Variants in NALCN observed in about 807,000 individuals in gnomAD.
The protein encoded by NALCN is sodium leak channel, non-selective.
A neutral mutation model predicts 225.3 loss-of-function variants in NALCN; 111 were observed. The ratio of observed to expected loss-of-function variants is 0.49; its 90% CI spans 0.42 to 0.58. The LOEUF (loss-of-function observed/expected upper bound fraction) is 0.58, where lower values mean the gene tolerates loss of function less well. NALCN is among the 20% of genes least tolerant of loss of function. NALCN has a pLI of 0.00. For synonymous variants in NALCN, 764 were observed against 769.0 expected (o/e 0.99, Z 0.11); for missense variants, 1,378 against 2,202.4 (o/e 0.63, Z 7.49).
chr13:101,364,829 A>G (rs2046337828), intron 6 of NALCN, among the ~76,000 whole-genome samples: 2 of 152,176 alleles, frequency 1.3e-5, no homozygotes, highest in Non-Finnish European at 2.9e-5. Flanking sequence ...ATGTATCGAA[A>G]TATCATATGT....
chr13:101,204,596 T>C (rs1334028731), intron 13 of NALCN, among the ~76,000 whole-genome samples: 1 of 151,948 alleles, frequency 6.6e-6, no homozygotes, highest in Non-Finnish European at 1.5e-5. Context: ...TTACTTTAAG[T>C]GGAGTCTACA....
intron 17 of NALCN, among the ~76,000 whole-genome samples, chr13:101,140,990 T>C (rs886478545): frequency 3.9e-5 from 6 of 152,148 alleles, no homozygotes; most frequent in Non-Finnish European, 8.8e-5. Flanking sequence ...CTAAGGGTAA[T>C]ATGCAAGCCT....
chr13:101,305,359 A>C (rs1422242591), intron 7 of NALCN, among the ~76,000 whole-genome samples: 1 of 152,234 alleles, frequency 6.6e-6, no homozygotes, highest in African/African-American at 2.4e-5. Context: ...CTTATAGTTG[A>C]ATAAATTTGC....
chr13:101,277,521 A>G (rs2138972134), intron 10 of NALCN, among the ~76,000 whole-genome samples: 1 of 152,320 alleles, frequency 6.6e-6, no homozygotes, highest in South Asian at 2.1e-4. Context: ...AGACCTAGCA[A>G]GTAACATAAT....
At chr13:101,174,664 GA>G (rs996585211) in intron 15 of NALCN, among the ~76,000 whole-genome samples, 4 of 152,082 alleles carry the variant, frequency 2.6e-5, no homozygotes, top group African/African-American at 9.7e-5. Context: ...TCACAATCCT[GA>G]AAAAATTGCT....
chr13:101,086,215 T>TC (rs1452665846), intron 30 of NALCN, among the ~76,000 whole-genome samples: 11 of 151,962 alleles, frequency 7.2e-5, no homozygotes, highest in African/African-American at 2.4e-4. Context: ...GTTACTTTCT[T>TC]CCCCCCTACT....
chr13:101,330,548 G>A (rs537615383), intron 7 of NALCN, among the ~76,000 whole-genome samples: 6 of 152,334 alleles, frequency 3.9e-5, no homozygotes, highest in Non-Finnish European at 7.3e-5. Context: ...CGGGGCAAAA[G>A]AGTCTCCTCA....
At chr13:101,274,953 GGTTCC>G (rs1028538466) in intron 10 of NALCN, among the ~76,000 whole-genome samples, 7 of 152,110 alleles carry the variant, frequency 4.6e-5, no homozygotes, top group Non-Finnish European at 1.0e-4. Context: ...GTTGAGTAGT[GGTTCC>G]AGCAGAGATG....
At chr13:101,090,143 TAC>T (rs1028511630) in intron 28 of NALCN, among the ~76,000 whole-genome samples, 177 bp from the exon 29 acceptor site, 70 of 152,276 alleles carry the variant, frequency 4.6e-4, no homozygotes, top group African/African-American at 1.5e-3. Flanking sequence ...TGTATATGTA[TAC>T]ACACACATTT....
chr13:101,397,099 T>TATATATATATAC (rs1242808432), intron 2 of NALCN, among the ~76,000 whole-genome samples: 4 of 65,314 alleles, frequency 6.1e-5, no homozygotes, highest in Admixed American at 3.4e-4. Flanking sequence ...TATATATATA[T>TATATATATATAC]ATATATATAT....
intron 11 of NALCN, among the ~76,000 whole-genome samples, chr13:101,256,999 G>A (rs1487446449): frequency 3.3e-5 from 5 of 151,968 alleles, no homozygotes; most frequent in African/African-American, 7.3e-5. Flanking sequence ...TCCTGACCTC[G>A]TGATCCACCC....
intron 22 of NALCN, among the ~76,000 whole-genome samples, chr13:101,105,520 T>C (rs942778670): frequency 1.3e-5 from 2 of 151,462 alleles, no homozygotes; most frequent in Non-Finnish European, 2.9e-5. Context: ...TCTTCATCAA[T>C]TGTATTCAAC....
Position 101,081,634 on chromosome 13 carries a change from T to A in NALCN, c.3778A>T (p.Ile1260Phe). 1.9e-6 allele frequency: 3 copies of A among 1,614,096 alleles called. No individual in the cohort carries two copies. The highest frequency in any genetic ancestry group is 2.5e-6 in the Non-Finnish European group (3 of 1,179,974). ...AAGCCAGCAGGCGACATTGCTATGA[T>A]CTTCATGGTAACCTGGAGAAAAAGC... Reference protein sequence around the residue: ...FIFVLEVTMKIIAMSPAGFWQ... With the variant: ...FIFVLEVTMKFIAMSPAGFWQ... The change falls in exon 34 of 44, where the codon ATC (isoleucine) becomes TTC (phenylalanine). Residue 1260 changes from isoleucine to phenylalanine, a missense_variant. By Grantham distance (21) the Ile-to-Phe change is conservative (BLOSUM62 0). Transcript: ENST00000251127.
At chr13:101,309,824 G>A (rs997529219) in intron 7 of NALCN, among the ~76,000 whole-genome samples, 1 of 152,010 alleles carries the variant, frequency 6.6e-6, no homozygotes, top group East Asian at 1.9e-4. Flanking sequence ...TTTCTGTTTT[G>A]ACATAAAAAG....
In NALCN at chr13:101,291,961, G is replaced by A. The variant is rs1489027677; in HGVS notation, c.1047+29C>T. 3 of 1,608,740 alleles carry A rather than the reference G, an allele frequency of 1.9e-6. No homozygotes were observed. The African/African-American group carries it at 4.0e-5, about 22-fold the overall frequency. Reference sequence around the variant, plus strand: ...GTGAGACATGTGCATGCTCGAATGGGTTATAACATCCTCTTGCTGATAGCG... The same window carrying A: ...GTGAGACATGTGCATGCTCGAATGGATTATAACATCCTCTTGCTGATAGCG... On this transcript the variant is annotated intron_variant, in intron 9 of 43. Transcript: ENST00000251127.
At chr13:101,251,278 C>A (rs1022500047) in intron 11 of NALCN, among the ~76,000 whole-genome samples, 1 of 152,058 alleles carries the variant, frequency 6.6e-6, no homozygotes, top group African/African-American at 2.4e-5. Flanking sequence ...TAAATTCATG[C>A]TTCAATCGAC....
intron 7 of NALCN, among the ~76,000 whole-genome samples, chr13:101,336,380 A>G (rs1317363322): frequency 6.6e-6 from 1 of 152,222 alleles, no homozygotes; most frequent in Non-Finnish European, 1.5e-5. Context: ...AAAAAATACC[A>G]GTCCCAAATT....
At chr13:101,128,084 T>C (rs1279327336) in intron 17 of NALCN, among the ~76,000 whole-genome samples, 2 of 152,312 alleles carry the variant, frequency 1.3e-5, no homozygotes, top group East Asian at 3.9e-4. Flanking sequence ...AATTGCTCAT[T>C]CTGGATGTAA....
At chr13:101,393,798 C>T (rs559100653) in intron 3 of NALCN, among the ~76,000 whole-genome samples, 4 of 152,058 alleles carry the variant, frequency 2.6e-5, no homozygotes, top group Non-Finnish European at 4.4e-5. Context: ...CAAAAGTGAA[C>T]CTCCCTCCCA....
Sources: allele counts gnomAD v4.1 joint callset (sites outside exome capture counted in the v4.1 genomes callset), GRCh38; gene constraint gnomAD v4.1.1; transcripts MANE v1.5; gene names NCBI Gene and HGNC (gene_info 2026-07-23, HGNC 2026-07-21).